The following KAZN variants were observed in gnomAD, a reference collection of about 807,000 sequenced individuals.
The protein encoded by KAZN is kazrin.
In KAZN, 40 loss-of-function variants were observed where a neutral mutation model predicts 87.4. The observed-to-expected ratio is 0.46, with a 90% CI of 0.36 to 0.60. The LOEUF is 0.60. Among genes scored for constraint, KAZN ranks in the 20% least tolerant of loss-of-function variants. The pLI, the probability that KAZN is intolerant of heterozygous loss-of-function variation, is 0.00. For missense variants in KAZN, 898 were observed against 1,073.9 expected, an observed-to-expected ratio of 0.84 and a Z score of 2.29; for synonymous variants, 466 against 458.3, an observed-to-expected ratio of 1.02 and a Z score of -0.22.
intron 1 of KAZN, among the ~76,000 whole-genome samples, chr1:14,030,787 G>A (rs999619628): frequency 2.0e-4 from 31 of 151,920 alleles, no homozygotes; most frequent in African/African-American, 6.3e-4. Flanking sequence ...AGTTACTAAC[G>A]ACTTAAGGAC....
chr1:14,618,915 G>A (rs1419888333), intron 1 of KAZN, among the ~76,000 whole-genome samples: 2 of 152,206 alleles, frequency 1.3e-5, no homozygotes, highest in African/African-American at 4.8e-5. Context: ...GTCTGGAAGG[G>A]CAAGTAGGTC....
chr1:13,975,281 G>C (rs932796391), intron 1 of KAZN, among the ~76,000 whole-genome samples: 13 of 152,186 alleles, frequency 8.5e-5, no homozygotes, highest in African/African-American at 7.2e-5. Flanking sequence ...TTGATTGTGA[G>C]GCACTTCAAG....
intron 1 of KAZN, among the ~76,000 whole-genome samples, chr1:14,868,066 G>T (rs7416912): frequency 0.33 from 48,891 of 149,668 alleles, 8,736 homozygotes; most frequent in South Asian, 0.44. Context: ...GCACAGCATT[G>T]CATACACAGG....
intron 1 of KAZN, among the ~76,000 whole-genome samples, chr1:14,846,499 A>AAAAAAC (rs763416414): frequency 2.0e-5 from 3 of 152,192 alleles, no homozygotes; most frequent in Admixed American, 6.5e-5. Context: ...GTGAGATATT[A>AAAAAAC]AAAAACAAAA....
chr1:14,447,078 T>C (rs1425803409), intron 2 of KAZN, among the ~76,000 whole-genome samples: 1 of 152,014 alleles, frequency 6.6e-6, no homozygotes, highest in Non-Finnish European at 1.5e-5. Flanking sequence ...TCCCAAGTAG[T>C]TCGCAGTGTG....
intron 2 of KAZN, among the ~76,000 whole-genome samples, chr1:15,015,260 C>G (rs976476792): frequency 2.0e-5 from 3 of 151,954 alleles, no homozygotes; most frequent in African/African-American, 7.3e-5. Context: ...TCAAGCAATT[C>G]TTCTGCTTCA....
intron 2 of KAZN, among the ~76,000 whole-genome samples, chr1:14,532,328 C>T (rs532152097): frequency 3.3e-5 from 5 of 152,224 alleles, no homozygotes; most frequent in Non-Finnish European, 5.9e-5. Flanking sequence ...CCTGTCATGA[C>T]TCAGACAGGC....
intron 4 of KAZN, among the ~76,000 whole-genome samples, chr1:15,054,060 G>C (rs555320799): frequency 1.3e-4 from 20 of 152,264 alleles, no homozygotes; most frequent in African/African-American, 4.3e-4. Context: ...GATGTGATGA[G>C]AGTGCATCAG....
At chr1:14,972,771 T>C (rs1377449288) in intron 2 of KAZN, among the ~76,000 whole-genome samples, 1 of 152,064 alleles carries the variant, frequency 6.6e-6, no homozygotes, top group Non-Finnish European at 1.5e-5. Context: ...CACTGTGGCC[T>C]CCCAAAGTGC....
intron 1 of KAZN, among the ~76,000 whole-genome samples, chr1:13,976,127 C>G (rs1450001650): frequency 6.6e-6 from 1 of 152,192 alleles, no homozygotes; most frequent in African/African-American, 2.4e-5. Context: ...CGTGAGAATT[C>G]TTAAAGTTGG....
At chr1:14,980,749 T>TAGAC (rs1666159587) in intron 2 of KAZN, among the ~76,000 whole-genome samples, 1 of 152,222 alleles carries the variant, frequency 6.6e-6, no homozygotes, top group East Asian at 1.9e-4. Context: ...GATGCCATGA[T>TAGAC]AGACGGCAGG....
intron 1 of KAZN, among the ~76,000 whole-genome samples, chr1:14,665,947 A>AAAAT (rs1639518823): frequency 6.6e-6 from 1 of 151,792 alleles, no homozygotes; most frequent in Admixed American, 6.6e-5. Flanking sequence ...AAAAAAAAAA[A>AAAAT]AAAAAATAAC....
chr1:14,997,199 TC>T (rs1335852379), intron 2 of KAZN, among the ~76,000 whole-genome samples: 1 of 127,726 alleles, frequency 7.8e-6, no homozygotes, highest in African/African-American at 3.4e-5. Flanking sequence ...TTTCTTTCTT[TC>T]TTTCATTTAT....
intron 2 of KAZN, among the ~76,000 whole-genome samples, chr1:15,004,820 G>GT (rs112959513): frequency 0.17 from 25,561 of 152,094 alleles, 2,407 homozygotes; most frequent in East Asian, 0.35. Context: ...TCATGCCTCA[G>GT]TTCCTAATCT....
intron 2 of KAZN, among the ~76,000 whole-genome samples, chr1:14,298,325 C>T (rs1654282375): frequency 6.6e-6 from 1 of 152,170 alleles, no homozygotes; most frequent in South Asian, 2.1e-4. Flanking sequence ...TATTACAGCC[C>T]TTGTCATTCA....
intron 1 of KAZN, among the ~76,000 whole-genome samples, chr1:14,034,381 C>A (rs912582810): frequency 6.6e-6 from 1 of 152,022 alleles, no homozygotes; most frequent in African/African-American, 2.4e-5. Flanking sequence ...TTGGCCAGGG[C>A]AGAATTGGTT....
chr1:14,676,899 A>C (rs1364228899), intron 1 of KAZN, among the ~76,000 whole-genome samples: 1 of 152,190 alleles, frequency 6.6e-6, no homozygotes, highest in Non-Finnish European at 1.5e-5. Flanking sequence ...GAACTTTGTG[A>C]GTATACTAAA....
intron 5 of KAZN, among the ~76,000 whole-genome samples, chr1:15,057,612 C>T (rs113898230): frequency 3.9e-5 from 6 of 152,226 alleles, no homozygotes; most frequent in Non-Finnish European, 7.4e-5. Context: ...TTGGGGTAAG[C>T]GTGGGCAGCT....
chr1:14,006,778 T>A (rs1487713822), intron 1 of KAZN, among the ~76,000 whole-genome samples: 1 of 152,200 alleles, frequency 6.6e-6, no homozygotes, highest in East Asian at 1.9e-4. Context: ...TAACTTTGTT[T>A]TTCTTTCTCA....
Sources: gnomAD v4.1 joint callset for allele counts (sites outside exome capture counted in the v4.1 genomes callset) on GRCh38, gnomAD v4.1.1 for gene constraint, MANE v1.5 for transcripts, NCBI Gene and HGNC (gene_info 2026-07-23, HGNC 2026-07-21) for gene names.